The following HEG1 variants were observed in gnomAD, a reference collection of about 807,000 sequenced individuals.
HEG1 encodes the protein protein HEG homolog 1.
In HEG1, 56 loss-of-function variants were observed where a neutral mutation model predicts 125.6. That is an observed-to-expected ratio of 0.45 (90% CI 0.36 to 0.56). HEG1 has a LOEUF of 0.56. Ranked by LOEUF, HEG1 falls within the 20% of genes least tolerant of loss-of-function variation. The pLI is 0.00. For synonymous variants in HEG1, 644 were observed against 668.5 expected, an observed-to-expected ratio of 0.96 and a Z score of 0.57; for missense variants, 1,523 against 1,670.0, an observed-to-expected ratio of 0.91 and a Z score of 1.53.
chr3:125,050,644 C>G (rs1024612690), intron 1 of HEG1, among the ~76,000 whole-genome samples: 1 of 152,198 alleles, frequency 6.6e-6, no homozygotes, highest in Non-Finnish European at 1.5e-5. Flanking sequence ...ATCACTCATG[C>G]ATCGTTATTT....
intron 15 of HEG1, among the ~76,000 whole-genome samples, chr3:124,975,449 G>C (rs1936517518): frequency 6.6e-6 from 1 of 152,130 alleles, no homozygotes; most frequent in Non-Finnish European, 1.5e-5. Flanking sequence ...GAAGCCCAAA[G>C]CATCCCACAC....
chr3:124,976,274 C>T (rs1351700168), intron 15 of HEG1, among the ~76,000 whole-genome samples: 2 of 152,102 alleles, frequency 1.3e-5, no homozygotes, highest in South Asian at 2.1e-4. Context: ...TGCACCTCTG[C>T]CTCCCAGGTT....
At chr3:125,050,627 G>T (rs1409613515) in intron 1 of HEG1, among the ~76,000 whole-genome samples, 2 of 152,174 alleles carry the variant, frequency 1.3e-5, no homozygotes, top group African/African-American at 4.8e-5. Context: ...CATTTCTTCA[G>T]TTGTGAATCA....
At chr3:124,975,223 A>G (rs946773151) in intron 15 of HEG1, among the ~76,000 whole-genome samples, 7 of 152,204 alleles carry the variant, frequency 4.6e-5, no homozygotes, top group African/African-American at 1.7e-4. Flanking sequence ...GACAGAGGAT[A>G]TCTTAAAATG....
chr3:124,992,795 AAC>A (rs1164496606), intron 12 of HEG1, among the ~76,000 whole-genome samples: 1 of 152,256 alleles, frequency 6.6e-6, no homozygotes, highest in Non-Finnish European at 1.5e-5. Flanking sequence ...CAGTTTCAAA[AAC>A]ACTGTTCTAA....
At chr3:125,008,170 A>G (rs1266413726) in intron 8 of HEG1, among the ~76,000 whole-genome samples, 1 of 152,212 alleles carries the variant, frequency 6.6e-6, no homozygotes, top group Non-Finnish European at 1.5e-5. Context: ...TCAGCCTGCC[A>G]AAGTGTTGGG....
intron 1 of HEG1, among the ~76,000 whole-genome samples, chr3:125,037,770 A>G (rs571592000): frequency 3.9e-5 from 6 of 152,320 alleles, no homozygotes; most frequent in African/African-American, 1.4e-4. Flanking sequence ...TCAATTCTTA[A>G]TAAGAGAGGC....
intron 1 of HEG1, among the ~76,000 whole-genome samples, chr3:125,039,663 G>A (rs1314386472): frequency 1.3e-5 from 2 of 151,960 alleles, no homozygotes; most frequent in Non-Finnish European, 2.9e-5. Context: ...CTGTCAAGCG[G>A]GTATTATTAT....
At chr3:125,047,828 A>T (rs1425695550) in intron 1 of HEG1, among the ~76,000 whole-genome samples, 2 of 152,042 alleles carry the variant, frequency 1.3e-5, no homozygotes, top group South Asian at 4.2e-4. Flanking sequence ...TCCTTCCTCC[A>T]ATTTGATTCT....
chr3:125,002,038 A>T, intron 10 of HEG1, 26 bp from the exon 11 acceptor site: 1 of 1,613,092 alleles, frequency 6.2e-7, no homozygotes, highest in Non-Finnish European at 8.5e-7. Context: ...GTGGGTTTTT[A>T]ACAGCCCTGA....
chr3:125,050,345 T>G (rs983700628), intron 1 of HEG1, among the ~76,000 whole-genome samples: 1 of 152,182 alleles, frequency 6.6e-6, no homozygotes, highest in Non-Finnish European at 1.5e-5. Flanking sequence ...GGTTTCACCA[T>G]GTTGGCCAGG....
At chr3:124,981,561 T>G (rs1936653993) in intron 14 of HEG1, among the ~76,000 whole-genome samples, 1 of 152,196 alleles carries the variant, frequency 6.6e-6, no homozygotes, top group Admixed American at 6.5e-5. Flanking sequence ...TTTGGTTCAG[T>G]CATACTGGGC....
intron 8 of HEG1, among the ~76,000 whole-genome samples, chr3:125,006,720 G>A (rs1453634631): frequency 3.3e-5 from 5 of 152,212 alleles, no homozygotes; most frequent in Non-Finnish European, 7.3e-5. Flanking sequence ...TTCCTCTGAT[G>A]TTTATGAACA....
At chr3:125,021,655 T>C (rs1449728076) in intron 3 of HEG1, among the ~76,000 whole-genome samples, 2 of 152,248 alleles carry the variant, frequency 1.3e-5, no homozygotes, top group Admixed American at 1.3e-4. Flanking sequence ...GGGACACTCA[T>C]GGCCTAGAGC....
chr3:124,991,045 T>A, intron 12 of HEG1, 59 bp from the exon 13 acceptor site: 1 of 1,336,488 alleles, frequency 7.5e-7, no homozygotes, highest in East Asian at 2.5e-5. Context: ...AACTCCCAGT[T>A]AATTAAACGC....
intron 1 of HEG1, among the ~76,000 whole-genome samples, chr3:125,052,333 G>A (rs1937832328): frequency 6.6e-6 from 1 of 152,176 alleles, no homozygotes; most frequent in Non-Finnish European, 1.5e-5. Flanking sequence ...GCTAAATGAC[G>A]AAGTTGGCCC....
intron 8 of HEG1, among the ~76,000 whole-genome samples, chr3:125,005,808 C>T (rs181252397): frequency 2.5e-3 from 383 of 152,296 alleles, no homozygotes; most frequent in African/African-American, 8.7e-3. Context: ...ATCAGGCTTT[C>T]GACAGAGGAA....
Position 125,055,964 on chromosome 3 carries a change from G to A in HEG1, c.-74C>T, listed in dbSNP as rs1162539672. 4.6e-6 allele frequency: 4 copies of A among 862,772 alleles called. No homozygotes were observed. The African/African-American group carries it at 5.5e-5, about 12-fold the overall frequency. 53.4% of individuals were successfully genotyped at this position (862,772 alleles called of 1,614,324 possible). Reference sequence around the variant, plus strand: ...CAGCGGGCAGCGGGCAGCGGGCGGCGGGGGCCGCGCGGGGCCGGGGAAGTG... The same window carrying A: ...CAGCGGGCAGCGGGCAGCGGGCGGCAGGGGCCGCGCGGGGCCGGGGAAGTG... On this transcript the variant is annotated 5_prime_UTR_variant, in exon 1 of 17. Coordinates refer to ENST00000311127, the MANE Select transcript of HEG1 (RefSeq NM_020733.2).
At chr3:124,989,325 T>A (rs550896889) in intron 14 of HEG1, among the ~76,000 whole-genome samples, 1 of 152,304 alleles carries the variant, frequency 6.6e-6, no homozygotes, top group Non-Finnish European at 1.5e-5. Flanking sequence ...GGTATACCAC[T>A]GGGGAATAGA....
Sources: allele counts gnomAD v4.1 joint callset (sites outside exome capture counted in the v4.1 genomes callset), GRCh38; gene constraint gnomAD v4.1.1; transcripts MANE v1.5; gene names NCBI Gene and HGNC (gene_info 2026-07-23, HGNC 2026-07-21).